Variants in TM7SF3 observed in about 807,000 individuals in gnomAD.
TM7SF3 encodes transmembrane 7 superfamily member 3, also known as seven span transmembrane protein.
In TM7SF3, 60 loss-of-function variants were observed where a neutral mutation model predicts 65.5. The ratio of observed to expected loss-of-function variants is 0.92; its 90% CI spans 0.74 to 1.14. The LOEUF (loss-of-function observed/expected upper bound fraction) is 1.14. Among genes scored for constraint, TM7SF3 ranks in the 50% most tolerant of loss-of-function variants. The probability of loss-of-function intolerance (pLI) is 0.00; values close to 1 mark genes in which losing one functional copy is unlikely to be tolerated. For synonymous variants in TM7SF3, 264 were observed against 259.6 expected, an observed-to-expected ratio of 1.02 and a Z score of -0.16; for missense variants, 623 against 684.8, an observed-to-expected ratio of 0.91 and a Z score of 1.01.
chr12:26,988,158 G>A (rs1344083796), intron 6 of TM7SF3, among the ~76,000 whole-genome samples: 1 of 152,052 alleles, frequency 6.6e-6, no homozygotes, highest in Non-Finnish European at 1.5e-5. Context: ...CCTGGACAGG[G>A]GAAAAAAAAA....
intron 5 of TM7SF3, 134 bp downstream of exon 5, chr12:26,995,103 C>G: frequency 1.1e-6 from 1 of 895,160 alleles, no homozygotes; most frequent in Non-Finnish European, 1.7e-6. Context: ...AAGATGATAA[C>G]AAAAGAGAAT....
intron 10 of TM7SF3, 82 bp downstream of exon 10, chr12:26,976,178 C>T: frequency 9.1e-7 from 1 of 1,098,142 alleles, no homozygotes. Flanking sequence ...GTGAATAAAA[C>T]ATGCAAAATG....
intron 5 of TM7SF3, among the ~76,000 whole-genome samples, chr12:26,992,460 A>T (rs1419505665): frequency 6.6e-6 from 1 of 151,968 alleles, no homozygotes; most frequent in Non-Finnish European, 1.5e-5. Flanking sequence ...AATTTTTTGT[A>T]TTTTTAGTAG....
At position 27,014,135 on chromosome 12, in the gene TM7SF3, G is replaced by A. The variant is rs1225116802; in HGVS notation, c.34C>T (p.Leu12=). The part of the protein sequence containing the change: ...GFLQLLVVAV[L]ASEHRVAGAA... Reference sequence around the variant, plus strand: ...CCAGCCACCCGGTGTTCGGATGCCAGCACCGCTACGACCAGCAGCTGCAGG... The same window carrying A: ...CCAGCCACCCGGTGTTCGGATGCCAACACCGCTACGACCAGCAGCTGCAGG... The change falls in exon 1 of 12, where the codon CTG becomes TTG. Residue 12 remains leucine, a synonymous_variant. Coordinates refer to ENST00000343028, the MANE Select transcript of TM7SF3 (RefSeq NM_016551.3). 2.6e-6 allele frequency: 4 copies of A among 1,568,412 alleles called. No homozygotes were observed. The highest frequency in any genetic ancestry group is 3.5e-6 in the Non-Finnish European group (4 of 1,156,558).
At chr12:27,001,412 T>C (rs1940826352) in intron 2 of TM7SF3, among the ~76,000 whole-genome samples, 1 of 152,210 alleles carries the variant, frequency 6.6e-6, no homozygotes, top group East Asian at 1.9e-4. Flanking sequence ...CACTACTAAT[T>C]TGTTGAGCTT....
chr12:26,990,994 T>C (rs1356845145), intron 5 of TM7SF3, among the ~76,000 whole-genome samples: 3 of 152,216 alleles, frequency 2.0e-5, no homozygotes, highest in African/African-American at 7.2e-5. Context: ...TACAGCCCAA[T>C]GCCTAACACA....
intron 1 of TM7SF3, chr12:27,012,754 C>A (rs1328359068): frequency 2.2e-6 from 1 of 455,924 alleles, no homozygotes; most frequent in Non-Finnish European, 4.4e-6. Context: ...AATCCCAGCA[C>A]TCTGGGAGGC....
At chr12:26,978,374 A>G (rs1397699553) in intron 9 of TM7SF3, 1 of 154,970 alleles carries the variant, frequency 6.5e-6, no homozygotes, top group African/African-American at 2.4e-5. Context: ...GTTTCAATAC[A>G]TCGTCCAAGG....
intron 6 of TM7SF3, among the ~76,000 whole-genome samples, chr12:26,984,091 A>G (rs938354299): frequency 6.6e-6 from 1 of 152,228 alleles, no homozygotes; most frequent in East Asian, 1.9e-4. Context: ...CAGGGGATAT[A>G]ATACCTAAAT....
intron 2 of TM7SF3, among the ~76,000 whole-genome samples, chr12:27,001,789 G>C (rs1940840893): frequency 6.6e-6 from 1 of 152,130 alleles, no homozygotes; most frequent in Admixed American, 6.5e-5. Flanking sequence ...GTCTGAATAG[G>C]AAGCTGTCTT....
intron 1 of TM7SF3, among the ~76,000 whole-genome samples, chr12:27,004,476 G>A (rs1178888894): frequency 1.3e-5 from 2 of 152,122 alleles, no homozygotes; most frequent in Non-Finnish European, 2.9e-5. Context: ...TATTTTAGAA[G>A]GTAATTAGAG....
At chr12:26,977,514 G>A (rs887831355) in intron 9 of TM7SF3, among the ~76,000 whole-genome samples, 5 of 152,242 alleles carry the variant, frequency 3.3e-5, no homozygotes, top group East Asian at 1.9e-4. Flanking sequence ...AACACTTTGG[G>A]AGGCCGAGGT....
At position 26,972,749 on chromosome 12, in the gene TM7SF3, C is replaced by T. The variant is rs1354998423; in HGVS notation, c.*1216G>A. Among the ~76,000 whole-genome samples the T allele has an allele frequency of 1.3e-5, 2 of 151,544 alleles. No homozygotes were observed. Among genetic ancestry groups the T allele is most frequent in the African/African-American group, 2.4e-5 (1 of 41,178 alleles). On this transcript the variant is annotated 3_prime_UTR_variant, in exon 12 of 12. Transcript: ENST00000343028. ...ACAGGTTTGAGCCACCGCACCTGGTCGGCAATATAGATTAAGGTGGGGGTT... is the reference window on the plus strand; with the variant it reads ...ACAGGTTTGAGCCACCGCACCTGGTTGGCAATATAGATTAAGGTGGGGGTT...
intron 7 of TM7SF3, among the ~76,000 whole-genome samples, chr12:26,981,335 A>G (rs560422696): frequency 2.0e-5 from 3 of 152,186 alleles, no homozygotes; most frequent in Admixed American, 1.3e-4. Context: ...CAACACACCA[A>G]AAAAACCCAG....
At position 27,014,094 on chromosome 12, in the gene TM7SF3, G is replaced by A; in HGVS notation, c.75C>T (p.Phe25=). The part of the protein sequence containing the change: ...EHRVAGAAEV[F]GNSSEGLIEF... The stretch of plus-strand genomic sequence containing the variant: ...CGACCTTACCCTCGCTGGAATTCCC[G>A]AAGACCTCGGCTGCACCAGCCACCC... Residue 25 remains phenylalanine (F), a synonymous_variant, in exon 1 of 12, where the codon TTC becomes TTT. Coordinates refer to ENST00000343028, the MANE Select transcript of TM7SF3 (RefSeq NM_016551.3). The A allele has an allele frequency of 6.4e-7, 1 of 1,570,812 alleles. No homozygotes were observed. The highest frequency in any genetic ancestry group is 8.6e-7 in the Non-Finnish European group (1 of 1,157,736).
At chr12:26,979,246 T>G (rs2136380598) in intron 9 of TM7SF3, 1 of 152,442 alleles carries the variant, frequency 6.6e-6, no homozygotes, top group African/African-American at 2.4e-5. Context: ...AAATGTAAGT[T>G]ATTAAACAAT....
At position 26,995,096 on chromosome 12, in the gene TM7SF3, A is replaced by G. The variant is rs987469240; in HGVS notation, c.690+141T>C. On this transcript the variant is annotated intron_variant, in intron 5 of 11. Coordinates refer to ENST00000343028, the MANE Select transcript of TM7SF3 (RefSeq NM_016551.3). The stretch of plus-strand genomic sequence containing the variant: ...GATATCACCAGCAAAGACTCCCAAG[A>G]TGATAACAAAAGAGAATAAAGTGAG... 1.1e-5 allele frequency: 9 copies of G among 817,710 alleles called. No individual in the cohort carries two copies. In the African/African-American group the frequency reaches 1.5e-4, roughly 14 times the overall value. The allele number at this position is 817,710 out of a possible 1,614,324, so 50.7% of individuals were successfully genotyped here.
At chr12:26,985,805 CGTT>C (rs1231085223) in intron 6 of TM7SF3, among the ~76,000 whole-genome samples, 2 of 72,040 alleles carry the variant, frequency 2.8e-5, no homozygotes, top group Admixed American at 1.8e-4. Context: ...ATTTCTTTTT[CGTT>C]TTTTTTTTTT....
chr12:26,982,377 A>G (rs990893053), intron 7 of TM7SF3, among the ~76,000 whole-genome samples: 12 of 151,936 alleles, frequency 7.9e-5, no homozygotes, highest in African/African-American at 2.9e-4. Context: ...GGATCTCACT[A>G]TGTTGCCTAG....
Sources: allele counts gnomAD v4.1 joint callset (sites outside exome capture counted in the v4.1 genomes callset), GRCh38; gene constraint gnomAD v4.1.1; transcripts MANE v1.5; gene names NCBI Gene and HGNC (gene_info 2026-07-23, HGNC 2026-07-21).